The following WHR1 variants were observed in gnomAD, a reference collection of about 807,000 sequenced individuals.
WHR1 encodes the protein MHC class III HLA-RP1.
the WHR1 span, among the ~76,000 whole-genome samples, chr6:31,974,749 C>A: frequency 2.0e-5 from 3 of 152,038 alleles, no homozygotes; most frequent in Non-Finnish European, 4.4e-5. Flanking sequence ...CAGAGGGAGA[C>A]CCTGTCTCTA....
chr6:31,980,338 C>T, the WHR1 span: 1 of 981,208 alleles, frequency 1.0e-6, no homozygotes, highest in East Asian at 2.6e-5. Context: ...TATCCAGTCT[C>T]TCTTGCATGG....
At chr6:31,979,414 G>T in the WHR1 span, 1 of 1,612,868 alleles carries the variant, frequency 6.2e-7, no homozygotes, top group Non-Finnish European at 8.5e-7. Flanking sequence ...CTGCTTGTAG[G>T]TCCTCAAGGC....
chr6:31,972,567 T>G, the WHR1 span: 1 of 1,595,288 alleles, frequency 6.3e-7, no homozygotes, highest in Non-Finnish European at 8.6e-7. The surrounding 1 kb of genome is among the most constrained non-coding windows in gnomAD (Gnocchi z 6.3). Flanking sequence ...AGAGTTTTGT[T>G]AGAACCGCGT....
the WHR1 span, chr6:31,971,454 G>A: frequency 4.3e-6 from 7 of 1,613,566 alleles, no homozygotes; most frequent in African/African-American, 5.3e-5. The surrounding 1 kb of genome is among the most constrained non-coding windows in gnomAD (Gnocchi z 4.5). Context: ...GACCGTTAGT[G>A]GGGGGTGGGC....
the WHR1 span, among the ~76,000 whole-genome samples, chr6:31,974,482 C>CG: frequency 6.6e-6 from 1 of 152,134 alleles, no homozygotes; most frequent in Admixed American, 6.5e-5. Flanking sequence ...CTTTGGGAGA[C>CG]TGAGGCAGGA....
the WHR1 span, among the ~76,000 whole-genome samples, chr6:31,975,753 A>G: frequency 6.6e-6 from 1 of 151,450 alleles, no homozygotes; most frequent in East Asian, 1.9e-4. Context: ...AGTCCACAAA[A>G]CCACCATTGT....
chr6:31,977,279 C>T, the WHR1 span, among the ~76,000 whole-genome samples: 2 of 151,092 alleles, frequency 1.3e-5, no homozygotes, highest in East Asian at 1.9e-4. Flanking sequence ...TCAAGTGATT[C>T]TCCTGCCTCA....
chr6:31,975,735 C>T, the WHR1 span, among the ~76,000 whole-genome samples: 5 of 152,092 alleles, frequency 3.3e-5, no homozygotes, highest in East Asian at 3.8e-4. Context: ...CACCTTTTCC[C>T]GCTTTCTAGT....
the WHR1 span, chr6:31,971,183 C>A: frequency 1.3e-5 from 21 of 1,603,692 alleles, no homozygotes; most frequent in Non-Finnish European, 1.8e-5. This position sits in a 1 kb window ranked among gnomAD's most constrained non-coding sequence, Gnocchi z 4.5. Context: ...AGGTCTGACA[C>A]AAGCATTAGT....
the WHR1 span, chr6:31,972,441 G>C: frequency 1.7e-3 from 2,739 of 1,613,040 alleles, 157 homozygotes; most frequent in East Asian, 0.059. This position sits in a 1 kb window ranked among gnomAD's most constrained non-coding sequence, Gnocchi z 6.3. Flanking sequence ...ACCTGATCCC[G>C]GAGACCTTTG....
At chr6:31,980,690 A>T in the WHR1 span, 1 of 1,606,308 alleles carries the variant, frequency 6.2e-7, no homozygotes, top group Non-Finnish European at 8.5e-7. Flanking sequence ...CGGAAGGCAA[A>T]GTACCGGGAA....
chr6:31,971,737 T>A, the WHR1 span: 3 of 1,515,474 alleles, frequency 2.0e-6, no homozygotes, highest in Non-Finnish European at 2.7e-6. The surrounding 1 kb of genome is among the most constrained non-coding windows in gnomAD (Gnocchi z 4.5). Context: ...TGGAGAAGGA[T>A]GACTGGTTTA....
the WHR1 span, chr6:31,978,804 A>G: frequency 3.7e-6 from 4 of 1,077,978 alleles, no homozygotes; most frequent in East Asian, 2.5e-5. Context: ...AAATGCCCCC[A>G]TATTGGCAAA....
At chr6:31,979,065 G>C in the WHR1 span, 1 of 1,514,620 alleles carries the variant, frequency 6.6e-7, no homozygotes, top group Non-Finnish European at 9.1e-7. Context: ...GGGAACTTGG[G>C]AAACAGAAAT....
chr6:31,971,471 A>G, the WHR1 span: 1 of 1,614,090 alleles, frequency 6.2e-7, no homozygotes, highest in Non-Finnish European at 8.5e-7. This position sits in a 1 kb window ranked among gnomAD's most constrained non-coding sequence, Gnocchi z 4.5. Flanking sequence ...GGGCTATAGT[A>G]GCGCAGGGCT....
chr6:31,977,373 C>T, the WHR1 span, among the ~76,000 whole-genome samples: 641 of 144,472 alleles, frequency 4.4e-3, 5 homozygotes, highest in African/African-American at 0.015. Flanking sequence ...GACGGAGTCT[C>T]GCTCTGTCAC....
the WHR1 span, among the ~76,000 whole-genome samples, chr6:31,976,969 G>C: frequency 3.3e-5 from 5 of 152,228 alleles, no homozygotes; most frequent in Admixed American, 2.0e-4. Context: ...AGGCAGGGAG[G>C]TTGCAGTGAG....
At chr6:31,972,270 G>C in the WHR1 span, 1 of 1,613,138 alleles carries the variant, frequency 6.2e-7, no homozygotes, top group Non-Finnish European at 8.5e-7. The surrounding 1 kb of genome is among the most constrained non-coding windows in gnomAD (Gnocchi z 6.3). Flanking sequence ...GGGACGACAA[G>C]TTGACGCTCC....
chr6:31,977,030 C>A, the WHR1 span, among the ~76,000 whole-genome samples: 13 of 152,294 alleles, frequency 8.5e-5, no homozygotes, highest in African/African-American at 2.6e-4. Flanking sequence ...AGAGGGAGAC[C>A]GTGGAAAGGA....
Sources: allele counts gnomAD v4.1 joint callset (sites outside exome capture counted in the v4.1 genomes callset), GRCh38; gene constraint gnomAD v4.1.1; non-coding constraint Gnocchi (gnomAD v3.1); transcripts MANE v1.5; gene names NCBI Gene and HGNC (gene_info 2026-07-23, HGNC 2026-07-21).